Variants in CDK14 observed in about 807,000 individuals in gnomAD.
The protein encoded by CDK14 is cyclin dependent kinase 14, also known as cyclin-dependent kinase 14.
Under a neutral mutation model 60.7 loss-of-function variants are expected in CDK14, and 34 were observed. The observed-to-expected ratio is 0.56, with a 90% CI of 0.43 to 0.75. The LOEUF (loss-of-function observed/expected upper bound fraction) is 0.75. CDK14 is among the 30% of genes least tolerant of loss of function. The pLI is 0.00. For missense variants in CDK14, 482 were observed against 564.1 expected, an observed-to-expected ratio of 0.85 and a Z score of 1.47; for synonymous variants, 197 against 203.7, an observed-to-expected ratio of 0.97 and a Z score of 0.28.
intron 14 of CDK14, among the ~76,000 whole-genome samples, chr7:91,173,902 G>C (rs1801623674): frequency 6.6e-6 from 1 of 152,260 alleles, no homozygotes; most frequent in Admixed American, 6.5e-5. Context: ...CATTGCACAG[G>C]CTTGATTAGG....
chr7:90,670,439 G>A (rs558161823), intron 2 of CDK14, among the ~76,000 whole-genome samples: 155 of 152,242 alleles, frequency 1.0e-3, no homozygotes, highest in African/African-American at 3.4e-3. Context: ...TTGAGGCTTT[G>A]TGTTAGACTA....
chr7:90,957,893 A>G (rs964054923), intron 9 of CDK14, among the ~76,000 whole-genome samples: 1 of 152,198 alleles, frequency 6.6e-6, no homozygotes, highest in Non-Finnish European at 1.5e-5. Flanking sequence ...CCGCATCGCC[A>G]AATCAATCCT....
intron 5 of CDK14, among the ~76,000 whole-genome samples, chr7:90,855,858 T>A (rs1790802638): frequency 6.6e-6 from 1 of 152,226 alleles, no homozygotes; most frequent in South Asian, 2.1e-4. Context: ...GGAAGTAGCC[T>A]GTATCTCACC....
chr7:90,609,272 A>G (rs1424689544), intron 2 of CDK14, among the ~76,000 whole-genome samples: 1 of 152,028 alleles, frequency 6.6e-6, no homozygotes, highest in African/African-American at 2.4e-5. Context: ...TGATCCTCCC[A>G]TCTCAGCCTC....
In CDK14 at chr7:91,044,713, C is replaced by T. The variant is rs549610355; in HGVS notation, c.1042-1184C>T. 6.6e-5 allele frequency among the ~76,000 whole-genome samples: 10 copies of T among 152,188 alleles called. No individual in the cohort carries two copies. The South Asian group carries it at 2.1e-3, about 32-fold the overall frequency. ...ATAATATCTAGTGGTCCTTCTTCTC[C>T]TCTGCTGGTTTCCAGCTTTATCTCT... On this transcript the variant is annotated intron_variant, in intron 10 of 14. Transcript: ENST00000380050.
At chr7:91,057,378 T>C (rs545843483) in intron 11 of CDK14, among the ~76,000 whole-genome samples, 1 of 152,166 alleles carries the variant, frequency 6.6e-6, no homozygotes, top group East Asian at 1.9e-4. Context: ...TGATGGGAGT[T>C]TCTTTTGCTG....
In CDK14 at chr7:90,771,904, A is replaced by G. The variant is rs561197474; in HGVS notation, c.465-18669A>G. Among the ~76,000 whole-genome samples the G allele has an allele frequency of 2.6e-5, 4 of 152,306 alleles. No individual in the cohort carries two copies. In the South Asian group the frequency reaches 8.3e-4, roughly 32 times the overall value. On this transcript the variant is annotated intron_variant, in intron 4 of 14. Transcript: ENST00000380050. The stretch of plus-strand genomic sequence containing the variant: ...CTGCCTAGGAATTTGTCTGCCTCCT[A>G]TTGCTATCAACAGTACTGTAAATAG...
At chr7:90,749,738 A>G (rs374993429) in intron 4 of CDK14, among the ~76,000 whole-genome samples, 6 of 151,914 alleles carry the variant, frequency 3.9e-5, no homozygotes, top group African/African-American at 1.5e-4. Flanking sequence ...ACTTGGGGCT[A>G]AGGATGTTTC....
At chr7:91,018,748 C>G (rs1407669589) in intron 10 of CDK14, among the ~76,000 whole-genome samples, 1 of 152,190 alleles carries the variant, frequency 6.6e-6, no homozygotes, top group Non-Finnish European at 1.5e-5. Context: ...CTGCTCTAGT[C>G]ACGTAAAACG....
intron 14 of CDK14, among the ~76,000 whole-genome samples, chr7:91,123,101 T>C (rs1382677521): frequency 6.6e-6 from 1 of 152,220 alleles, no homozygotes; most frequent in African/African-American, 2.4e-5. Flanking sequence ...CCAGTTCTGA[T>C]GGTGTGATAT....
intron 12 of CDK14, among the ~76,000 whole-genome samples, chr7:91,098,083 A>C (rs1799048074): frequency 6.6e-6 from 1 of 152,250 alleles, no homozygotes; most frequent in Admixed American, 6.5e-5. Flanking sequence ...AAGGATGCTC[A>C]ACTATTCAGC....
chr7:90,666,296 C>T (rs1282506869), intron 2 of CDK14: 2 of 152,130 alleles, frequency 1.3e-5, no homozygotes, highest in African/African-American at 4.8e-5. Flanking sequence ...AACTCTGGAT[C>T]AGGGTTAATG....
At chr7:91,006,784 A>G (rs1483405838) in intron 10 of CDK14, among the ~76,000 whole-genome samples, 2 of 152,242 alleles carry the variant, frequency 1.3e-5, no homozygotes, top group Admixed American at 6.5e-5. Context: ...CCCCAAAATG[A>G]TACAAACATC....
At chr7:90,879,588 C>T (rs1166008458) in intron 6 of CDK14, among the ~76,000 whole-genome samples, 1 of 151,974 alleles carries the variant, frequency 6.6e-6, no homozygotes, top group Non-Finnish European at 1.5e-5. Flanking sequence ...TGTCAAAGAT[C>T]AGATAGTTGT....
intron 10 of CDK14, among the ~76,000 whole-genome samples, chr7:91,000,027 A>C (rs1475897765): frequency 6.6e-6 from 1 of 152,340 alleles, no homozygotes; most frequent in East Asian, 1.9e-4. Flanking sequence ...TTTGACTTCT[A>C]GTTTCTAAAG....
At chr7:90,617,423 C>A (rs1799676905) in intron 2 of CDK14, among the ~76,000 whole-genome samples, 1 of 151,896 alleles carries the variant, frequency 6.6e-6, no homozygotes, top group South Asian at 2.1e-4. Flanking sequence ...TACAAAGAAA[C>A]AACTGATTTT....
At chr7:90,622,123 G>T (rs1353604670) in intron 2 of CDK14, among the ~76,000 whole-genome samples, 1 of 152,254 alleles carries the variant, frequency 6.6e-6, no homozygotes, top group East Asian at 1.9e-4. Context: ...CAATGGAAGT[G>T]CTGCAAGCAA....
chr7:90,856,891 G>A (rs146186139), intron 5 of CDK14, among the ~76,000 whole-genome samples: 286 of 152,228 alleles, frequency 1.9e-3, no homozygotes, highest in Middle Eastern at 6.8e-3. Context: ...GTCATTCTGG[G>A]AAAGTCAGGC....
chr7:90,686,941 A>C (rs145276259), intron 2 of CDK14, among the ~76,000 whole-genome samples: 15 of 152,278 alleles, frequency 9.9e-5, no homozygotes, highest in African/African-American at 3.6e-4. Flanking sequence ...ACTCTAACCA[A>C]ATAGCAAATT....
Sources: allele counts gnomAD v4.1 joint callset (sites outside exome capture counted in the v4.1 genomes callset), GRCh38; gene constraint gnomAD v4.1.1; transcripts MANE v1.5; gene names NCBI Gene and HGNC (gene_info 2026-07-23, HGNC 2026-07-21).